Variants in KRT5 observed in about 807,000 individuals in gnomAD.
KRT5 encodes the protein keratin 5.
A neutral mutation model predicts 44.0 loss-of-function variants in KRT5; 17 were observed. The observed-to-expected ratio is 0.39, with a 90% CI of 0.26 to 0.58. KRT5 has a LOEUF of 0.58. Among genes scored for constraint, KRT5 ranks in the 20% least tolerant of loss-of-function variants. The pLI is 0.61. For synonymous variants in KRT5, 329 were observed against 312.8 expected (o/e 1.05, Z -0.55); for missense variants, 737 against 785.5 (o/e 0.94, Z 0.74).
chr12:52,519,680 TTC>T (rs1354799643), intron 1 of KRT5, 60 bp downstream of exon 1: 1 of 1,503,384 alleles, frequency 6.7e-7, no homozygotes, highest in Non-Finnish European at 9.3e-7. Context: ...TCTTCCTTCT[TTC>T]TCTCTCTTTG....
In KRT5 at chr12:52,514,927, A is replaced by T; in HGVS notation, c.*15T>A. On this transcript the variant is annotated 3_prime_UTR_variant, in exon 9 of 9. Transcript: ENST00000252242. ...GGGTTGCTGCACTTGGAAGGCAGTGACTTGCAGCAGGTTCTTAGCTCTTGA... is the reference window on the plus strand; with the variant it reads ...GGGTTGCTGCACTTGGAAGGCAGTGTCTTGCAGCAGGTTCTTAGCTCTTGA... 6.2e-7 allele frequency: 1 copy of T among 1,611,058 alleles called. No individual in the cohort carries two copies. The highest frequency in any genetic ancestry group is 8.5e-7 in the Non-Finnish European group (1 of 1,177,664).
In KRT5 at chr12:52,516,670, G is replaced by A. The variant is rs1264710617; in HGVS notation, c.1406C>T (p.Thr469Ile). ...CTCGCCCTCCAGCAGCTTGCGGTAA[G>A]TGGCGATCTCCACGTCCAGGGCCAG... Reference protein sequence around the residue: ...TKLALDVEIATYRKLLEGEEC... With the variant: ...TKLALDVEIAIYRKLLEGEEC... The change falls in exon 7 of 9, where the codon ACT becomes ATT. Residue 469 changes from threonine (T) to isoleucine (I), a missense_variant. Physicochemically the swap from Thr to Ile is moderately conservative, Grantham distance 89. Coordinates refer to ENST00000252242, the MANE Select transcript of KRT5 (RefSeq NM_000424.4). 3.7e-6 allele frequency: 6 copies of A among 1,614,174 alleles called. No individual in the cohort carries two copies. The highest frequency in any genetic ancestry group is 3.4e-6 in the Non-Finnish European group (4 of 1,180,036).
At chr12:52,515,930 A>T (rs1394486316) in intron 7 of KRT5, 98 bp from the exon 8 acceptor site, 1 of 1,050,834 alleles carries the variant, frequency 9.5e-7, no homozygotes, top group Non-Finnish European at 1.5e-6. Flanking sequence ...AGTTCATTCC[A>T]TAAGCCAGGA....
chr12:52,515,341 C>G, intron 8 of KRT5, 101 bp from the exon 9 acceptor site: 1 of 1,517,800 alleles, frequency 6.6e-7, no homozygotes, highest in Non-Finnish European at 9.0e-7. Flanking sequence ...CTACTGGACC[C>G]CCTTTACAGA....
Position 52,517,921 on chromosome 12 carries a change from G to C in KRT5, c.903C>G (p.Asn301Lys). 1.2e-6 allele frequency: 2 copies of C among 1,614,186 alleles called. No individual in the cohort carries two copies. Among genetic ancestry groups the C allele is most frequent in the Non-Finnish European group, 1.7e-6 (2 of 1,179,978 alleles). ...CCGCATCAAAGAACATCTTCATGAA[G>C]TTAATCTCATCCATCAGTGCATCAA... ...AKVDALMDEINFMKMFFDAEL... is the reference protein window; with the variant it reads ...AKVDALMDEIKFMKMFFDAEL... The change falls in exon 4 of 9, where the codon AAC (asparagine) becomes AAG (lysine). Residue 301 changes from asparagine to lysine, a missense_variant. Transcript: ENST00000252242.
At position 52,514,638 on chromosome 12, in the gene KRT5, G is replaced by T; in HGVS notation, c.*304C>A. On this transcript the variant is annotated 3_prime_UTR_variant, in exon 9 of 9. Coordinates refer to ENST00000252242, the MANE Select transcript of KRT5 (RefSeq NM_000424.4). ...GTAGTTAGAACCAAAACAAAATTTG[G>T]GATTGGGGTGGGGATTCTGTTTTGA... 1 of 422,624 alleles carries T rather than the reference G, an allele frequency of 2.4e-6. No homozygotes were observed. Among genetic ancestry groups the T allele is most frequent in the Non-Finnish European group, 4.2e-6 (1 of 237,446 alleles). 26.2% of individuals were successfully genotyped at this position (422,624 alleles called of 1,614,324 possible). A position where few individuals can be genotyped will look rare whatever the true frequency, so the allele number is the denominator to read the frequency against.
At chr12:52,517,301 A>G in intron 5 of KRT5, 69 bp from the exon 6 acceptor site, 2 of 1,587,058 alleles carry the variant, frequency 1.3e-6, no homozygotes, top group South Asian at 1.1e-5. Flanking sequence ...CAAAGTTCAC[A>G]GGCAGTGAGT....
In KRT5 at chr12:52,517,244, A is replaced by G. The variant is rs777136785; in HGVS notation, c.1093-12T>C. 20 of 1,614,026 alleles carry G rather than the reference A, an allele frequency of 1.2e-5. No individual in the cohort carries two copies. Among genetic ancestry groups the G allele is most frequent in the Non-Finnish European group, 1.6e-5 (19 of 1,180,006 alleles). On this transcript the variant is annotated splice_polypyrimidine_tract_variant and intron_variant, in intron 5 of 8. Transcript: ENST00000252242. The stretch of plus-strand genomic sequence containing the variant: ...TGCAGCTCCTCATACTGATGCAGCC[A>G]GGAAAGAGGAAAGATTCTGTTTATA...
At position 52,514,694 on chromosome 12, in the gene KRT5, C is replaced by T. The variant is rs1433738134; in HGVS notation, c.*248G>A. On this transcript the variant is annotated 3_prime_UTR_variant, in exon 9 of 9. Transcript: ENST00000252242. ...TAGATTTGGGAAAACTTTGGGTTCT[C>T]GTGTCAGCAGGGGCCATGCTGTGGG... 1.6e-5 allele frequency: 8 copies of T among 501,768 alleles called. No individual in the cohort carries two copies. The highest frequency in any genetic ancestry group is 6.1e-5 in the East Asian group (2 of 32,612). 31.1% of individuals were successfully genotyped at this position (501,768 alleles called of 1,614,324 possible). A position where few individuals can be genotyped will look rare whatever the true frequency, so the allele number is the denominator to read the frequency against.
At chr12:52,516,596 T>C (rs1938613711) in intron 7 of KRT5, 41 bp downstream of exon 7, 1 of 1,592,958 alleles carries the variant, frequency 6.3e-7, no homozygotes, top group Admixed American at 1.7e-5. Flanking sequence ...AGCTTCGCTT[T>C]ATCAGCTGAA....
At position 52,514,618 on chromosome 12, in the gene KRT5, T is replaced by G; in HGVS notation, c.*324A>C. 2.5e-6 allele frequency: 1 copy of G among 396,560 alleles called. No individual in the cohort carries two copies. The highest frequency in any genetic ancestry group is 4.5e-6 in the Non-Finnish European group (1 of 220,866). The allele number at this position is 396,560 out of a possible 1,614,324, so 24.6% of individuals were successfully genotyped here. ...TTATTGAACACATTCTGGAGGTAGT[T>G]AGAACCAAAACAAAATTTGGGATTG... On this transcript the variant is annotated 3_prime_UTR_variant, in exon 9 of 9. Coordinates refer to ENST00000252242, the MANE Select transcript of KRT5 (RefSeq NM_000424.4).
At position 52,520,225 on chromosome 12, in the gene KRT5, G is replaced by T. The variant is rs749195594; in HGVS notation, c.72C>A (p.Thr24=). The change falls in exon 1 of 9, where the codon ACC becomes ACA. Residue 24 remains threonine (T), a synonymous_variant. Coordinates refer to ENST00000252242, the MANE Select transcript of KRT5 (RefSeq NM_000424.4). ...SRSFSTASAI[T]PSVSRTSFTS... ...TGAAGCTGGTGCGGGAGACAGACGG[G>T]GTGATGGCAGAGGCGGTGCTGAAGC... 1.2e-6 allele frequency: 2 copies of T among 1,614,082 alleles called. No individual in the cohort carries two copies. Among genetic ancestry groups the T allele is most frequent in the East Asian group, 4.5e-5 (2 of 44,884 alleles).
chr12:52,517,684 A>G lies in KRT5; in HGVS notation c.998T>C (p.Leu333Pro). Residue 333 changes from leucine (L) to proline (P), a missense_variant, in exon 5 of 9, where the codon CTG (leucine) becomes CCG (proline). Coordinates refer to ENST00000252242, the MANE Select transcript of KRT5 (RefSeq NM_000424.4). ...CTCAGCGATGATGCTATCCAGGTCCAGGTTGCGGTTGTTGTCCATGGAGAG... is the reference window on the plus strand; with the variant it reads ...CTCAGCGATGATGCTATCCAGGTCCGGGTTGCGGTTGTTGTCCATGGAGAG... ...VVLSMDNNRN[L>P]DLDSIIAEVK... 6.2e-7 allele frequency: 1 copy of G among 1,614,216 alleles called. No individual in the cohort carries two copies. The highest frequency in any genetic ancestry group is 8.5e-7 in the Non-Finnish European group (1 of 1,180,032).
At chr12:52,518,500 A>G (rs1340200978) in intron 2 of KRT5, 1 of 553,760 alleles carries the variant, frequency 1.8e-6, no homozygotes, top group South Asian at 1.6e-5. Context: ...GAGGCTTTAA[A>G]AAAAAAAAGA....
At chr12:52,518,826 T>C (rs1007423869) in intron 2 of KRT5, 120 bp downstream of exon 2, 15 of 1,188,044 alleles carry the variant, frequency 1.3e-5, no homozygotes, top group African/African-American at 3.0e-5. Flanking sequence ...ACTGGAGGTG[T>C]CCATGGAAGG....
In KRT5 at chr12:52,519,131, A is replaced by C. The variant is rs369402814; in HGVS notation, c.585T>G (p.Val195=). Residue 195 remains valine, a synonymous_variant, in exon 2 of 9, where the codon GTT becomes GTG. Transcript: ENST00000252242. ...KVRFLEQQNK[V]LDTKWTLLQE... ...GCAGCAGGGTCCACTTGGTGTCCAG[A>C]ACCTTGTTCTGCTGCTCCAGGAACC... 4 of 1,614,138 alleles carry C rather than the reference A, an allele frequency of 2.5e-6. No individual in the cohort carries two copies. Among genetic ancestry groups the C allele is most frequent in the South Asian group, 1.1e-5 (1 of 91,074 alleles).
chr12:52,519,589 G>A (rs1938675838), intron 1 of KRT5, 153 bp downstream of exon 1: 10 of 859,820 alleles, frequency 1.2e-5, no homozygotes, highest in South Asian at 7.1e-5. Context: ...AATTCAGAAC[G>A]TGTCCACAAA....
intron 2 of KRT5, 146 bp downstream of exon 2, chr12:52,518,800 G>T: frequency 1.0e-6 from 1 of 982,424 alleles, no homozygotes; most frequent in Non-Finnish European, 1.6e-6. Context: ...TTGTGTATTT[G>T]TTTGTTTGTT....
In KRT5 at chr12:52,516,840, G is replaced by A. The variant is rs144359915; in HGVS notation, c.1236C>T (p.Asn412=). The A allele has an allele frequency of 2.1e-3, 3,324 of 1,614,200 alleles. 8 individuals are homozygous for A. The highest frequency in any genetic ancestry group is 2.7e-3 in the Non-Finnish European group (3,146 of 1,180,046). ...NVKKQCANLQ[N]AIADAEQRGE... ...CACGCTGCTCGGCATCCGCAATGGC[G>A]TTCTGCAGATTGGCGCACTACAGAT... The change falls in exon 7 of 9, where the codon AAC becomes AAT. Residue 412 remains asparagine (N), a synonymous_variant. Transcript: ENST00000252242.
Sources: gnomAD v4.1 joint callset for allele counts on GRCh38, gnomAD v4.1.1 for gene constraint, MANE v1.5 for transcripts, NCBI Gene and HGNC (gene_info 2026-07-23, HGNC 2026-07-21) for gene names.